DYM: variants seen among roughly 807,000 people sequenced by gnomAD.
The protein encoded by DYM is dymeclin.
A neutral mutation model predicts 93.1 loss-of-function variants in DYM; 78 were observed. The observed-to-expected ratio is 0.84, with a 90% confidence interval of 0.70 to 1.01. DYM has a LOEUF of 1.01. Ranked by LOEUF, DYM falls within the 50% of genes least tolerant of loss-of-function variation. DYM has a pLI of 0.00. For missense variants in DYM, 789 were observed against 845.0 expected (o/e 0.93, Z 0.82); for synonymous variants, 321 against 319.7 (o/e 1.00, Z -0.04).
At chr18:49,072,198 C>T (rs1261790183) in intron 17 of DYM, among the ~76,000 whole-genome samples, 8 of 152,224 alleles carry the variant, frequency 5.3e-5, no homozygotes. Context: ...CATACAACTA[C>T]ATGTTTCTCT....
At chr18:49,431,886 GCCTGCC>G (rs1432483971) in intron 1 of DYM, 1 of 152,070 alleles carries the variant, frequency 6.6e-6, no homozygotes, top group Non-Finnish European at 1.5e-5. Context: ...GCTCCTCATC[GCCTGCC>G]CCTAAAGCTG....
At chr18:49,411,621 T>A (rs2148199621) in intron 2 of DYM, among the ~76,000 whole-genome samples, 1 of 152,164 alleles carries the variant, frequency 6.6e-6, no homozygotes, top group East Asian at 1.9e-4. Context: ...GGCAAAAAAA[T>A]TGTTGGGGGA....
At chr18:49,292,019 C>T (rs1488444899) in intron 8 of DYM, among the ~76,000 whole-genome samples, 1 of 152,106 alleles carries the variant, frequency 6.6e-6, no homozygotes, top group African/African-American at 2.4e-5. Context: ...AACACAATTA[C>T]AAAGTTCAAT....
intron 15 of DYM, among the ~76,000 whole-genome samples, chr18:49,136,889 G>A (rs576322190): frequency 6.6e-6 from 1 of 152,112 alleles, no homozygotes; most frequent in Non-Finnish European, 1.5e-5. Context: ...TGGGTATAAG[G>A]AAAAGATTTT....
chr18:49,363,854 T>C (rs1314387157), intron 5 of DYM, among the ~76,000 whole-genome samples: 2 of 152,202 alleles, frequency 1.3e-5, no homozygotes. Context: ...AATGGAAATG[T>C]TCCCCTATCC....
intron 2 of DYM, among the ~76,000 whole-genome samples, chr18:49,410,700 G>A (rs2072145799): frequency 6.6e-6 from 1 of 150,950 alleles, no homozygotes; most frequent in African/African-American, 2.4e-5. Flanking sequence ...AGTCCCAGCT[G>A]CTCCTTGAGC....
At chr18:49,250,494 A>C (rs1162923874) in intron 13 of DYM, among the ~76,000 whole-genome samples, 1 of 152,202 alleles carries the variant, frequency 6.6e-6, no homozygotes, top group Non-Finnish European at 1.5e-5. Context: ...CCTAGGCCAG[A>C]AACTGACAGT....
intron 14 of DYM, chr18:49,208,416 G>GT (rs1379321967): frequency 1.3e-5 from 2 of 151,916 alleles, no homozygotes; most frequent in Non-Finnish European, 2.9e-5. Context: ...CATTACATAC[G>GT]TAACAGTTAA....
intron 6 of DYM, among the ~76,000 whole-genome samples, chr18:49,352,686 A>T (rs1300397776): frequency 1.3e-5 from 2 of 152,224 alleles, no homozygotes; most frequent in African/African-American, 2.4e-5. Flanking sequence ...TAAATTATAC[A>T]TCAATAAACC....
intron 8 of DYM, among the ~76,000 whole-genome samples, chr18:49,291,033 G>A (rs949947150): frequency 6.6e-6 from 1 of 152,084 alleles, no homozygotes; most frequent in Admixed American, 6.6e-5. Context: ...GATAATTTTG[G>A]AGGGAAAAAT....
At chr18:49,332,027 A>C (rs1298578563) in intron 7 of DYM, 21 bp from the exon 8 acceptor site, 1 of 1,609,738 alleles carries the variant, frequency 6.2e-7, no homozygotes, top group East Asian at 2.2e-5. Flanking sequence ...AGGAAAAAAA[A>C]ATCAAACTCA....
In DYM at chr18:49,256,039, G is replaced by A. The variant is rs1247363979; in HGVS notation, c.1460+971C>T. Among the ~76,000 whole-genome samples the A allele has an allele frequency of 7.3e-5, 10 of 137,182 alleles. 1 individual carries two copies. Among genetic ancestry groups the A allele is most frequent in the South Asian group, 6.9e-4 (3 of 4,332 alleles). 90.0% of individuals were successfully genotyped at this position (137,182 alleles called of 152,430 possible). A position where few individuals can be genotyped will look rare whatever the true frequency, so the allele number is the denominator to read the frequency against. ...GTGGAGCTTGCAGTGAGCTGAGATC[G>A]CACCACGGCACTCCATCCTGGGTGA... On this transcript the variant is annotated intron_variant, in intron 13 of 17. Coordinates refer to ENST00000675505, the MANE Select transcript of DYM (RefSeq NM_001353214.3).
At chr18:49,170,985 AAAAC>A (rs1315499175) in intron 14 of DYM, among the ~76,000 whole-genome samples, 1 of 152,036 alleles carries the variant, frequency 6.6e-6, no homozygotes, top group African/African-American at 2.4e-5. Flanking sequence ...GGATTTACCA[AAAAC>A]AAACGTACAA....
At chr18:49,446,211 TAGG>T (rs5824787) in intron 1 of DYM, among the ~76,000 whole-genome samples, 12,097 of 151,856 alleles carry the variant, frequency 0.08, 746 homozygotes, top group East Asian at 0.31. Context: ...CATTTGAGGC[TAGG>T]AGTTCAAGAA....
At chr18:49,055,248 G>T (rs1304364512) in intron 17 of DYM, among the ~76,000 whole-genome samples, 2 of 152,154 alleles carry the variant, frequency 1.3e-5, no homozygotes, top group Non-Finnish European at 2.9e-5. Flanking sequence ...GTGGCTAGAG[G>T]TAAGTTTGGA....
chr18:49,051,375 C>T (rs1410072054), intron 17 of DYM, among the ~76,000 whole-genome samples: 1 of 152,192 alleles, frequency 6.6e-6, no homozygotes, highest in Non-Finnish European at 1.5e-5. Context: ...CAAGTCATAG[C>T]ATTTCTCAGG....
At chr18:49,360,612 A>G (rs1329657557) in intron 6 of DYM, among the ~76,000 whole-genome samples, 2 of 151,204 alleles carry the variant, frequency 1.3e-5, no homozygotes, top group Non-Finnish European at 3.0e-5. Flanking sequence ...ACAGAGTAAG[A>G]TCCATCTCAA....
intron 10 of DYM, among the ~76,000 whole-genome samples, chr18:49,276,825 G>A (rs6507895): frequency 0.017 from 2,656 of 152,098 alleles, 86 homozygotes; most frequent in African/African-American, 0.061. Flanking sequence ...CTGGAAACAG[G>A]ATAAAAAATA....
chr18:49,301,097 G>A lies in DYM; in HGVS notation c.764-14481C>T, dbSNP rs542906729. Among the ~76,000 whole-genome samples the A allele has an allele frequency of 2.6e-5, 4 of 152,240 alleles. No individual in the cohort carries two copies. In the South Asian group the frequency reaches 6.2e-4, roughly 24 times the overall value. ...CTTTGAAAGAAAGGGACACATGTAA[G>A]TATTTGAAAAAGAAGATTTCAAATT... On this transcript the variant is annotated intron_variant, in intron 8 of 17. Coordinates refer to ENST00000675505, the MANE Select transcript of DYM (RefSeq NM_001353214.3).
Sources: gnomAD v4.1 joint callset for allele counts (sites outside exome capture counted in the v4.1 genomes callset) on GRCh38, gnomAD v4.1.1 for gene constraint, MANE v1.5 for transcripts, NCBI Gene and HGNC (gene_info 2026-07-23, HGNC 2026-07-21) for gene names.